The following GRIA3 variants were observed in gnomAD, a reference collection of about 807,000 sequenced individuals.
GRIA3 encodes the protein glutamate receptor 3.
A neutral mutation model predicts 63.0 loss-of-function variants in GRIA3; 3 were observed. That is an observed-to-expected ratio of 0.05 (90% confidence interval 0.02 to 0.12). The LOEUF is 0.12. GRIA3 is among the 10% of genes least tolerant of loss of function. The pLI, the probability that GRIA3 is intolerant of heterozygous loss-of-function variation, is 1.00. For synonymous variants in GRIA3, 274 were observed against 257.9 expected, an observed-to-expected ratio of 1.06 and a Z score of -0.60; for missense variants, 347 against 700.9, an observed-to-expected ratio of 0.50 and a Z score of 5.70.
intron 12 of GRIA3, among the ~76,000 whole-genome samples, chrX:123,443,126 A>G (rs1178874151): frequency 8.9e-6 from 1 of 111,806 alleles, no homozygotes; most frequent in African/African-American, 3.3e-5. Flanking sequence ...GCTTTGCCAA[A>G]GGTTTAGGGA....
intron 3 of GRIA3, among the ~76,000 whole-genome samples, chrX:123,303,253 T>C (rs1345616287): frequency 9.0e-6 from 1 of 111,173 alleles, no homozygotes; most frequent in Non-Finnish European, 1.9e-5. Flanking sequence ...CACTTGTTTT[T>C]AGAGCAGTGC....
chrX:123,326,266 A>C, intron 4 of GRIA3, 53 bp downstream of exon 4: 7 of 1,004,146 alleles, frequency 7.0e-6, no homozygotes, highest in Non-Finnish European at 9.9e-6. Flanking sequence ...TATCAACCTA[A>C]GTCAGCTCCC....
At chrX:123,452,360 C>A (rs754004317) in intron 12 of GRIA3, among the ~76,000 whole-genome samples, 1 of 107,349 alleles carries the variant, frequency 9.3e-6, no homozygotes, top group African/African-American at 3.6e-5. Context: ...ACACTCCCCC[C>A]CCAAAAAAAA....
rs535183600 is a variant in GRIA3, at chrX:123,379,771, T to A, written c.751-15197T>A. Among the ~76,000 whole-genome samples, 5 of 104,177 alleles carry A rather than the reference T, an allele frequency of 4.8e-5. No homozygotes were observed. The South Asian group carries it at 2.4e-3, about 51-fold the overall frequency. The allele number at this position is 104,177 out of a possible 115,157, so 90.5% of individuals were successfully genotyped here. ...AACTCGTCATTTAGCATTAGGTATA[T>A]CTCCTACTGCTATCCCTCCCCCTCC... On this transcript the variant is annotated intron_variant, in intron 5 of 15. Coordinates refer to ENST00000620443, the MANE Select transcript of GRIA3 (RefSeq NM_007325.5).
chrX:123,433,117 C>G (rs773422508), intron 12 of GRIA3, among the ~76,000 whole-genome samples: 1 of 111,915 alleles, frequency 8.9e-6, no homozygotes, highest in East Asian at 2.8e-4. Context: ...CTTAAATGCT[C>G]TCTTCTGGAA....
intron 2 of GRIA3, among the ~76,000 whole-genome samples, chrX:123,226,556 G>A (rs935576929): frequency 9.0e-6 from 1 of 111,275 alleles, no homozygotes; most frequent in Admixed American, 9.6e-5. Flanking sequence ...CCCATTCTAC[G>A]ATAAGGTGTT....
intron 4 of GRIA3, among the ~76,000 whole-genome samples, chrX:123,346,048 G>C (rs1449197059): frequency 9.0e-6 from 1 of 111,413 alleles, no homozygotes; most frequent in Admixed American, 9.5e-5. Flanking sequence ...ACTAATGGTA[G>C]ACCCATTTTA....
intron 4 of GRIA3, among the ~76,000 whole-genome samples, chrX:123,333,450 T>G (rs2044954522): frequency 8.9e-6 from 1 of 111,908 alleles, no homozygotes; most frequent in Admixed American, 9.5e-5. Flanking sequence ...TTCAGAATAC[T>G]ATACTAGGCA....
intron 13 of GRIA3, among the ~76,000 whole-genome samples, chrX:123,475,164 G>T (rs193224297): frequency 2.2e-4 from 25 of 111,418 alleles, no homozygotes; most frequent in African/African-American, 8.2e-4. Context: ...CTCTCCATCT[G>T]ATCAGCAATC....
At chrX:123,247,796 C>T (rs2147279440) in intron 2 of GRIA3, among the ~76,000 whole-genome samples, 1 of 110,830 alleles carries the variant, frequency 9.0e-6, no homozygotes, top group African/African-American at 3.3e-5. Flanking sequence ...TATCCTGGGG[C>T]TTGGTATGAG....
chrX:123,402,395 GTATATA>G (rs57132663), intron 7 of GRIA3, among the ~76,000 whole-genome samples: 10 of 104,124 alleles, frequency 9.6e-5, no homozygotes, highest in Non-Finnish European at 5.9e-5. Flanking sequence ...ATGTGTGTGT[GTATATA>G]TATATATATA....
chrX:123,274,148 C>T (rs1449433074), intron 3 of GRIA3, among the ~76,000 whole-genome samples: 1 of 112,354 alleles, frequency 8.9e-6, no homozygotes, highest in East Asian at 2.8e-4. Context: ...ATAACAAATA[C>T]TTTTTAAGTA....
chrX:123,336,012 A>C (rs1410348887), intron 4 of GRIA3, among the ~76,000 whole-genome samples: 1 of 112,104 alleles, frequency 8.9e-6, no homozygotes, highest in African/African-American at 3.2e-5. Flanking sequence ...TGTTCATCAC[A>C]CAGCTGCATG....
chrX:123,323,524 T>G (rs1397713086), intron 3 of GRIA3, among the ~76,000 whole-genome samples: 1 of 112,309 alleles, frequency 8.9e-6, no homozygotes, highest in East Asian at 2.7e-4. Context: ...TCTACTCATT[T>G]CTGGAGAAGT....
intron 3 of GRIA3, among the ~76,000 whole-genome samples, chrX:123,313,243 T>C (rs2044809259): frequency 8.9e-6 from 1 of 111,764 alleles, no homozygotes; most frequent in African/African-American, 3.3e-5. Flanking sequence ...CTTATTTATC[T>C]TGTGAGTTTT....
chrX:123,432,681 T>C (rs2045624734), intron 12 of GRIA3, among the ~76,000 whole-genome samples: 1 of 112,087 alleles, frequency 8.9e-6, no homozygotes, highest in South Asian at 3.7e-4. Flanking sequence ...TGTTTCAGAG[T>C]TTCAGAACAG....
chrX:123,398,830 T>A, intron 7 of GRIA3, 27 bp downstream of exon 7: 1 of 1,141,583 alleles, frequency 8.8e-7, no homozygotes, highest in South Asian at 1.8e-5. Flanking sequence ...GTTATTGGGG[T>A]GGAAGAAACT....
chrX:123,211,248 C>A (rs186605692), intron 2 of GRIA3, among the ~76,000 whole-genome samples: 2 of 111,329 alleles, frequency 1.8e-5, no homozygotes, highest in African/African-American at 6.5e-5. Context: ...AGGTGCTATA[C>A]GTGATACTGC....
At chrX:123,458,415 A>G (rs2045774111) in intron 12 of GRIA3, among the ~76,000 whole-genome samples, 1 of 110,298 alleles carries the variant, frequency 9.1e-6, no homozygotes, top group African/African-American at 3.3e-5. Flanking sequence ...CATTAAGAAT[A>G]TCAGCCAAAC....
Sources: gnomAD v4.1 joint callset for allele counts (sites outside exome capture counted in the v4.1 genomes callset) on GRCh38, gnomAD v4.1.1 for gene constraint, MANE v1.5 for transcripts, NCBI Gene and HGNC (gene_info 2026-07-23, HGNC 2026-07-21) for gene names.